SEMA6D: variants seen among roughly 807,000 people sequenced by gnomAD.
The protein encoded by SEMA6D is semaphorin-6D.
A neutral mutation model predicts 106.6 loss-of-function variants in SEMA6D; 35 were observed. The ratio of observed to expected loss-of-function variants is 0.33; its 90% CI spans 0.25 to 0.44. The LOEUF (loss-of-function observed/expected upper bound fraction) is 0.44. Among genes scored for constraint, SEMA6D ranks in the 20% least tolerant of loss-of-function variants. The pLI is 1.00. For synonymous variants in SEMA6D, 499 were observed against 487.7 expected, an observed-to-expected ratio of 1.02 and a Z score of -0.31; for missense variants, 1,185 against 1,345.9, an observed-to-expected ratio of 0.88 and a Z score of 1.87.
intron 1 of SEMA6D, among the ~76,000 whole-genome samples, chr15:47,301,432 G>C (rs2036013894): frequency 6.6e-6 from 1 of 152,224 alleles, no homozygotes; most frequent in Non-Finnish European, 1.5e-5. Context: ...CAGGATAAGA[G>C]ATGGACTTGA....
chr15:47,595,569 G>T (rs1467806155), intron 3 of SEMA6D, among the ~76,000 whole-genome samples: 1 of 152,078 alleles, frequency 6.6e-6, no homozygotes, highest in Non-Finnish European at 1.5e-5. Context: ...TCTTTGTCTG[G>T]CTTTGGTATC....
chr15:47,228,015 A>ATG, intron 1 of SEMA6D, among the ~76,000 whole-genome samples: 1 of 10,960 alleles, frequency 9.1e-5, no homozygotes, highest in South Asian at 0.033. Context: ...ATATATAAGA[A>ATG]TCATATATTT....
Position 47,398,979 on chromosome 15 carries a change from T to G in SEMA6D, c.-238-13414T>G, listed in dbSNP as rs141821327. On this transcript the variant is annotated intron_variant, in intron 1 of 19. Transcript: ENST00000558014. ...CCTTAAAAAAGGCCGTCAGAATACA[T>G]TACTGAAATACTGATTTGAAGATGT... is the stretch of plus-strand genomic sequence containing the variant. 2.6e-3 allele frequency among the ~76,000 whole-genome samples: 397 copies of G among 152,280 alleles called. 2 individuals are homozygous for G. The highest frequency in any genetic ancestry group is 4.6e-3 in the Non-Finnish European group (312 of 68,012).
chr15:47,766,170 C>A lies in SEMA6D; in HGVS notation c.1634C>A (p.Thr545Asn). The A allele has an allele frequency of 6.2e-7, 1 of 1,613,042 alleles. No homozygotes were observed. The highest frequency in any genetic ancestry group is 8.5e-7 in the Non-Finnish European group (1 of 1,179,306). Residue 545 changes from threonine (T) to asparagine (N), a missense_variant, in exon 15 of 19, where the codon ACC becomes AAC. By Grantham distance (65) the Thr-to-Asn change is moderately conservative. Coordinates refer to ENST00000536845, the MANE Select transcript of SEMA6D (RefSeq NM_001358351.3). ...WLSQGSCGRV[T>N]PGMLAEGYEQ... is the part of the protein sequence containing the mutation. The stretch of plus-strand genomic sequence containing the variant: ...AGCCAGGGATCCTGTGGTAGAGTGA[C>A]CCCAGGGATGCTGTAAGTATACTTT...
At chr15:47,499,300 C>T (rs189847242) in intron 3 of SEMA6D, among the ~76,000 whole-genome samples, 113 of 152,212 alleles carry the variant, frequency 7.4e-4, no homozygotes, top group Non-Finnish European at 1.3e-3. Flanking sequence ...CTGGCTTCTA[C>T]GCCCTTCCCA....
At chr15:47,589,033 A>G (rs1331485780) in intron 3 of SEMA6D, among the ~76,000 whole-genome samples, 1 of 152,202 alleles carries the variant, frequency 6.6e-6, no homozygotes, top group Admixed American at 6.5e-5. Flanking sequence ...ATCCGGCACC[A>G]AATGTCAATA....
chr15:47,502,217 A>C (rs574486420), intron 3 of SEMA6D, among the ~76,000 whole-genome samples: 1 of 152,212 alleles, frequency 6.6e-6, no homozygotes, highest in African/African-American at 2.4e-5. Context: ...CCCAAAATAC[A>C]TTTTTTGACA....
rs970547845 is a variant in SEMA6D at position 47,658,364 on chromosome 15, C to T, written c.-55+57468C>T. Reference sequence around the variant, plus strand: ...TAATATTTTTCTCAACTCTTACACGCCATCAAGTATTATGGTAAGGGATTT... The same window carrying T: ...TAATATTTTTCTCAACTCTTACACGTCATCAAGTATTATGGTAAGGGATTT... On this transcript the variant is annotated intron_variant, in intron 4 of 19. Coordinates refer to the SEMA6D transcript ENST00000558014. 3.9e-5 allele frequency among the ~76,000 whole-genome samples: 6 copies of T among 152,002 alleles called. No individual in the cohort carries two copies. In the East Asian group the frequency reaches 1.2e-3, roughly 29 times the overall value.
intron 3 of SEMA6D, among the ~76,000 whole-genome samples, chr15:47,486,345 G>A (rs575820462): frequency 2.0e-5 from 3 of 152,206 alleles, no homozygotes; most frequent in Non-Finnish European, 4.4e-5. Flanking sequence ...TTTTTATTAA[G>A]ATTGAACTTT....
At position 47,406,883 on chromosome 15, in the gene SEMA6D, A is replaced by T. The variant is rs574963078; in HGVS notation, c.-238-5510A>T. On this transcript the variant is annotated intron_variant, in intron 1 of 19. Transcript: ENST00000558014. ...TCACAATGTATGTCCATGCCAAAACATCACATCGTGTACCCTAGATATGTG... is the reference window on the plus strand; with the variant it reads ...TCACAATGTATGTCCATGCCAAAACTTCACATCGTGTACCCTAGATATGTG... Among the ~76,000 whole-genome samples the T allele has an allele frequency of 2.6e-5, 4 of 152,256 alleles. No homozygotes were observed. The East Asian group carries it at 7.7e-4, about 29-fold the overall frequency.
At chr15:47,615,304 A>G (rs563894968) in intron 4 of SEMA6D, among the ~76,000 whole-genome samples, 2 of 152,338 alleles carry the variant, frequency 1.3e-5, no homozygotes, top group South Asian at 4.1e-4. Context: ...CAGGATGTAT[A>G]TAAGTTGTAT....
chr15:47,648,224 G>A (rs2077617885), intron 4 of SEMA6D, among the ~76,000 whole-genome samples: 1 of 152,182 alleles, frequency 6.6e-6, no homozygotes, highest in Non-Finnish European at 1.5e-5. Context: ...GCCACTGTCT[G>A]TGTGGAGTTG....
intron 1 of SEMA6D, among the ~76,000 whole-genome samples, chr15:47,279,774 A>G (rs1237641071): frequency 7.9e-5 from 12 of 151,904 alleles, no homozygotes; most frequent in African/African-American, 2.7e-4. Context: ...TTCTGCATCT[A>G]TTGAGATAAT....
intron 1 of SEMA6D, chr15:47,360,101 T>C (rs1567024999): frequency 6.6e-6 from 1 of 152,158 alleles, no homozygotes; most frequent in Non-Finnish European, 1.5e-5. Context: ...ATTCTGCCTG[T>C]AAAATAATGT....
At chr15:47,641,914 G>C (rs2077495639) in intron 4 of SEMA6D, among the ~76,000 whole-genome samples, 1 of 152,156 alleles carries the variant, frequency 6.6e-6, no homozygotes, top group Non-Finnish European at 1.5e-5. Context: ...CTCTCTGGAT[G>C]TGCCCTGTTG....
At chr15:47,440,617 GAA>G (rs917979933) in intron 2 of SEMA6D, among the ~76,000 whole-genome samples, 2 of 150,778 alleles carry the variant, frequency 1.3e-5, no homozygotes, top group Non-Finnish European at 3.0e-5. Flanking sequence ...AAATTAGAAA[GAA>G]AAACAAATAT....
chr15:47,425,893 C>A (rs281228), intron 2 of SEMA6D, among the ~76,000 whole-genome samples: 80,703 of 151,806 alleles, frequency 0.53, 21,789 homozygotes, highest in South Asian at 0.63. Flanking sequence ...AGTCTCCCTT[C>A]TAATTTTCCA....
At chr15:47,386,463 G>T (rs897488151) in intron 1 of SEMA6D, among the ~76,000 whole-genome samples, 2 of 152,176 alleles carry the variant, frequency 1.3e-5, no homozygotes, top group African/African-American at 4.8e-5. Flanking sequence ...TTAGAGGCGG[G>T]TGCTGGGAGA....
intron 1 of SEMA6D, among the ~76,000 whole-genome samples, chr15:47,236,310 C>T (rs549036585): frequency 6.6e-6 from 1 of 152,128 alleles, no homozygotes; most frequent in South Asian, 2.1e-4. Flanking sequence ...ACCCACTGGG[C>T]ATGTTTAGTC....
Sources: allele counts gnomAD v4.1 joint callset (sites outside exome capture counted in the v4.1 genomes callset), GRCh38; gene constraint gnomAD v4.1.1; transcripts MANE v1.5; gene names NCBI Gene and HGNC (gene_info 2026-07-23, HGNC 2026-07-21).